Variants in TRAK1 observed in about 807,000 individuals in gnomAD.
The protein encoded by TRAK1 is trafficking kinesin-binding protein 1.
TRAK1 carries 33 observed loss-of-function variants against 92.1 expected under a neutral mutation model. The ratio of observed to expected loss-of-function variants is 0.36; its 90% CI spans 0.27 to 0.48. The LOEUF (loss-of-function observed/expected upper bound fraction) is 0.48, where lower values mean the gene tolerates loss of function less well. TRAK1 is among the 20% of genes least tolerant of loss of function. The pLI is 0.99. For missense variants in TRAK1, 1,123 were observed against 1,257.9 expected, an observed-to-expected ratio of 0.89 and a Z score of 1.62; for synonymous variants, 521 against 517.3, an observed-to-expected ratio of 1.01 and a Z score of -0.10.
At chr3:42,086,983 A>G (rs1704708714), upstream of TRAK1, 1 of 152,214 alleles carries the variant, frequency 6.6e-6, no homozygotes, top group African/African-American at 2.4e-5. Flanking sequence ...TTGACTTGAG[A>G]GAAACGCGTT....
At position 42,223,335 on chromosome 3, in the gene TRAK1, G is replaced by A; in HGVS notation, c.2460G>A (p.Arg820=). 6.2e-7 allele frequency: 1 copy of A among 1,614,238 alleles called. No homozygotes were observed. The highest frequency in any genetic ancestry group is 1.3e-5 in the African/African-American group (1 of 75,068). The part of the protein sequence containing the change: ...LASKPASSIL[R]EVREKNVRSS... ...CCAAGCCAGCCAGCTCCATCCTGAG[G>A]GAAGTGAGAGAAAAGAACGTCCGCA... Residue 820 remains arginine (R), a synonymous_variant, in exon 16 of 16, where the codon AGG becomes AGA. Coordinates refer to ENST00000327628, the MANE Select transcript of TRAK1 (RefSeq NM_001042646.3). The surrounding 1 kb of genome is among the most constrained non-coding windows in gnomAD (Gnocchi z 6.1).
chr3:42,121,385 T>A (rs557361509), intron 1 of TRAK1, among the ~76,000 whole-genome samples: 32 of 151,046 alleles, frequency 2.1e-4, no homozygotes, highest in Admixed American at 1.6e-3. Flanking sequence ...TCAGCCTCCC[T>A]AGTAGCTGGG....
chr3:42,170,732 T>C (rs1702434231), intron 2 of TRAK1, among the ~76,000 whole-genome samples: 1 of 152,132 alleles, frequency 6.6e-6, no homozygotes, highest in Non-Finnish European at 1.5e-5. Context: ...GATAAAACTT[T>C]GGGAAACACT....
chr3:42,203,053 AC>A, intron 13 of TRAK1: 1 of 1,239,100 alleles, frequency 8.1e-7, no homozygotes, highest in Non-Finnish European at 1.0e-6. Flanking sequence ...AGAAATAAAA[AC>A]TTTTGTGGCG....
intron 1 of TRAK1, among the ~76,000 whole-genome samples, chr3:42,016,143 C>G (rs764139453): frequency 1.3e-5 from 2 of 152,048 alleles, no homozygotes; most frequent in Non-Finnish European, 2.9e-5. Flanking sequence ...TCCAAACTAA[C>G]AACACCTTAA....
At chr3:42,170,806 T>G (rs1702444977) in intron 2 of TRAK1, among the ~76,000 whole-genome samples, 1 of 151,552 alleles carries the variant, frequency 6.6e-6, no homozygotes, top group South Asian at 2.1e-4. Context: ...TGCAAATATA[T>G]CAGGCAGTCT....
At chr3:42,222,822 G>A in intron 15 of TRAK1, 120 bp from the exon 16 acceptor site, 1 of 1,042,522 alleles carries the variant, frequency 9.6e-7, no homozygotes, top group Admixed American at 2.2e-5. Flanking sequence ...GCCTCAGCTG[G>A]TGGAACCCTC....
chr3:42,058,797 C>T (rs1335142007), intron 1 of TRAK1, among the ~76,000 whole-genome samples: 2 of 152,132 alleles, frequency 1.3e-5, no homozygotes, highest in African/African-American at 4.8e-5. Flanking sequence ...GTAAGATACG[C>T]CATTGCTTTA....
At chr3:42,184,660 C>T in intron 3 of TRAK1, 25 bp from the exon 4 acceptor site, 1 of 1,610,092 alleles carries the variant, frequency 6.2e-7, no homozygotes, top group Non-Finnish European at 8.5e-7. Context: ...TTTTGAATCT[C>T]TGTTCTCCCT....
chr3:42,179,272 T>C (rs1196923081), intron 3 of TRAK1, among the ~76,000 whole-genome samples: 1 of 152,242 alleles, frequency 6.6e-6, no homozygotes, highest in Non-Finnish European at 1.5e-5. Flanking sequence ...AGTCTAACTG[T>C]CCCAGTCATG....
chr3:42,032,000 G>T (rs2148892781), intron 1 of TRAK1, among the ~76,000 whole-genome samples: 1 of 152,264 alleles, frequency 6.6e-6, no homozygotes, highest in South Asian at 2.1e-4. Context: ...AAGGGATGGG[G>T]CATGGGGTGA....
intron 1 of TRAK1, among the ~76,000 whole-genome samples, chr3:42,035,231 T>G (rs1385597382): frequency 6.6e-6 from 1 of 152,180 alleles, no homozygotes; most frequent in Non-Finnish European, 1.5e-5. Flanking sequence ...TCTGGGAAGC[T>G]ACACCCTCTT....
chr3:42,188,954 G>T, intron 5 of TRAK1, 62 bp from the exon 6 acceptor site: 2 of 1,225,994 alleles, frequency 1.6e-6, no homozygotes, highest in South Asian at 2.5e-5. Flanking sequence ...GTCTCCACAT[G>T]GTTTGCCAGG....
rs202124618 is a variant in TRAK1 at position 42,181,956 on chromosome 3, C to CT, written c.364-2712dup. Among the ~76,000 whole-genome samples the CT allele has an allele frequency of 5.9e-3, 788 of 133,406 alleles. 1 individual carries two copies. Among genetic ancestry groups the CT allele is most frequent in the East Asian group, 0.012 (58 of 4,680 alleles). 87.5% of individuals were successfully genotyped at this position (133,406 alleles called of 152,430 possible). A position where few individuals can be genotyped will look rare whatever the true frequency, so the allele number is the denominator to read the frequency against. On this transcript the variant is annotated intron_variant, in intron 3 of 15. Coordinates refer to ENST00000327628, the MANE Select transcript of TRAK1 (RefSeq NM_001042646.3). Reference sequence around the variant, plus strand: ...GACAAAGGGCCATGAAATAAGGTACCTTTTTTTTTTTTTTTTTCAATTTTG... The same window carrying CT: ...GACAAAGGGCCATGAAATAAGGTACCTTTTTTTTTTTTTTTTTTCAATTTTG...
At chr3:42,080,794 C>G (rs1232656644) in intron 1 of TRAK1, among the ~76,000 whole-genome samples, 1 of 152,212 alleles carries the variant, frequency 6.6e-6, no homozygotes, top group Admixed American at 6.5e-5. Context: ...GGAGGCCTTA[C>G]AAACCAGCTT....
chr3:42,137,164 C>T (rs1698062397), intron 2 of TRAK1, among the ~76,000 whole-genome samples: 1 of 152,068 alleles, frequency 6.6e-6, no homozygotes, highest in African/African-American at 2.4e-5. Flanking sequence ...TGACCATTTC[C>T]TTTGGCATTA....
At chr3:42,124,973 T>C (rs752870676) in intron 1 of TRAK1, among the ~76,000 whole-genome samples, 4 of 152,226 alleles carry the variant, frequency 2.6e-5, no homozygotes, top group South Asian at 4.2e-4. Flanking sequence ...AATGAACAGA[T>C]GAATGAATAA....
upstream of TRAK1, among the ~76,000 whole-genome samples, chr3:42,083,532 G>A (rs1704530824): frequency 1.3e-5 from 2 of 152,252 alleles, no homozygotes; most frequent in African/African-American, 4.8e-5. Flanking sequence ...GTGTATAACA[G>A]TAGCTTAATT....
intron 14 of TRAK1, chr3:42,212,146 T>C (rs1709117958): frequency 1.0e-6 from 1 of 985,462 alleles, no homozygotes; most frequent in African/African-American, 1.7e-5. Context: ...AGGTCCCAAG[T>C]AGCTCTATGC....
Sources: gnomAD v4.1 joint callset for allele counts (sites outside exome capture counted in the v4.1 genomes callset) on GRCh38, gnomAD v4.1.1 for gene constraint, Gnocchi (gnomAD v3.1) non-coding constraint, MANE v1.5 for transcripts, NCBI Gene and HGNC (gene_info 2026-07-23, HGNC 2026-07-21) for gene names.